Variants in OSBP2 observed in about 807,000 individuals in gnomAD.
The protein encoded by OSBP2 is oxysterol-binding protein 2.
Under a neutral mutation model 96.0 loss-of-function variants are expected in OSBP2, and 66 were observed. The observed-to-expected ratio is 0.69, with a 90% CI of 0.56 to 0.84. The LOEUF is 0.84. Ranked by LOEUF, OSBP2 falls within the 40% of genes least tolerant of loss-of-function variation. The probability of loss-of-function intolerance (pLI) is 0.00; values close to 1 mark genes in which losing one functional copy is unlikely to be tolerated. For missense variants in OSBP2, 1,038 were observed against 1,222.7 expected (o/e 0.85, Z 2.25); for synonymous variants, 525 against 520.9 (o/e 1.01, Z -0.11).
intron 2 of OSBP2, among the ~76,000 whole-genome samples, chr22:30,827,835 TAATC>T (rs1180408707): frequency 6.6e-6 from 1 of 152,192 alleles, no homozygotes; most frequent in African/African-American, 2.4e-5. Context: ...GAAGGGTGCT[TAATC>T]AATGGTAGCA....
intron 2 of OSBP2, among the ~76,000 whole-genome samples, chr22:30,867,817 A>AGG (rs1368588717): frequency 2.4e-4 from 37 of 152,262 alleles, no homozygotes; most frequent in African/African-American, 8.9e-4. Context: ...ACCTCTCACC[A>AGG]GCTCTTGCTT....
intron 2 of OSBP2, chr22:30,822,446 G>T: frequency 8.6e-7 from 1 of 1,163,182 alleles, no homozygotes; most frequent in Middle Eastern, 3.2e-4. Context: ...GCGCGGACGG[G>T]GTTAACGCGC....
chr22:30,799,057 TTTCCTTCCTTCCTTCC>T lies in OSBP2; in HGVS notation c.853+57731_853+57746del, dbSNP rs1159820708. 2.7e-3 allele frequency among the ~76,000 whole-genome samples: 324 copies of T among 120,324 alleles called. 1 individual carries two copies. The highest frequency in any genetic ancestry group is 7.8e-3 in the African/African-American group (249 of 32,010). 78.9% of individuals were successfully genotyped at this position (120,324 alleles called of 152,430 possible). A position where few individuals can be genotyped will look rare whatever the true frequency, so the allele number is the denominator to read the frequency against. ...AATTATTTGACTATACATGCAAAGG[TTTCCTTCCTTCCTTCC>T]TTCCTTCCTTCCTTCCTTCCTTCCT... On this transcript the variant is annotated intron_variant, in intron 2 of 13. Transcript: ENST00000332585.
chr22:30,802,420 C>T (rs1423845430), intron 2 of OSBP2, among the ~76,000 whole-genome samples: 2 of 152,240 alleles, frequency 1.3e-5, no homozygotes, highest in Non-Finnish European at 2.9e-5. Flanking sequence ...TCCTTGCAAC[C>T]TCGGGTAGCG....
intron 3 of OSBP2, among the ~76,000 whole-genome samples, chr22:30,885,165 T>C (rs1462600878): frequency 6.6e-6 from 1 of 151,994 alleles, no homozygotes; most frequent in African/African-American, 2.4e-5. Flanking sequence ...TCTTCCTCCT[T>C]TGGGGTGGGA....
intron 2 of OSBP2, among the ~76,000 whole-genome samples, chr22:30,744,753 T>A (rs1273539103): frequency 6.6e-6 from 1 of 151,918 alleles, no homozygotes; most frequent in Non-Finnish European, 1.5e-5. Context: ...AGAGTGAGAC[T>A]CTGTCTCAAA....
intron 2 of OSBP2, among the ~76,000 whole-genome samples, chr22:30,760,098 C>T (rs2090188586): frequency 6.6e-6 from 1 of 151,766 alleles, no homozygotes; most frequent in South Asian, 2.1e-4. Context: ...GAACTACTGA[C>T]ATCAGGTGAT....
intron 1 of OSBP2, among the ~76,000 whole-genome samples, chr22:30,732,062 G>A (rs1384151158): frequency 6.6e-6 from 1 of 152,196 alleles, no homozygotes; most frequent in Admixed American, 6.6e-5. Context: ...CCAGCACTTT[G>A]GGAGGCCAAG....
intron 12 of OSBP2, among the ~76,000 whole-genome samples, chr22:30,901,854 TTC>T (rs2147189504): frequency 6.6e-6 from 1 of 152,004 alleles, no homozygotes; most frequent in African/African-American, 2.4e-5. Context: ...ACGAGTGAAA[TTC>T]TGTCCCCCCA....
Position 30,893,584 on chromosome 22 carries a change from G to T in OSBP2, c.2094+18G>T. ...TCGACCAGGTCAGGGGCGCCCTTGG[G>T]GAGGGGGTGCATGGCCCGGGGGCTG... On this transcript the variant is annotated intron_variant, in intron 10 of 13. Coordinates refer to ENST00000332585, the MANE Select transcript of OSBP2 (RefSeq NM_030758.4). 6.2e-7 allele frequency: 1 copy of T among 1,613,624 alleles called. No homozygotes were observed. Among genetic ancestry groups the T allele is most frequent in the Non-Finnish European group, 8.5e-7 (1 of 1,179,518 alleles).
intron 2 of OSBP2, among the ~76,000 whole-genome samples, chr22:30,755,460 A>G (rs1241174778): frequency 6.6e-6 from 1 of 152,216 alleles, no homozygotes; most frequent in Admixed American, 6.5e-5. Flanking sequence ...GAGGAAGGGC[A>G]TGGAGTTTTC....
At chr22:30,858,151 G>T (rs2018305) in intron 2 of OSBP2, among the ~76,000 whole-genome samples, 21,348 of 123,108 alleles carry the variant, frequency 0.17, 2,443 homozygotes, top group African/African-American at 0.27. Flanking sequence ...TTGTTTGTTT[G>T]TTTTTTGAGA....
chr22:30,851,465 T>A (rs2038976859), intron 2 of OSBP2, among the ~76,000 whole-genome samples: 1 of 152,240 alleles, frequency 6.6e-6, no homozygotes, highest in Non-Finnish European at 1.5e-5. Context: ...AAATTCACAT[T>A]TTAGTTCATG....
At position 30,828,094 on chromosome 22, in the gene OSBP2, G is replaced by A. The variant is rs908367272; in HGVS notation, c.854-42335G>A. Among the ~76,000 whole-genome samples the A allele has an allele frequency of 2.6e-5, 4 of 152,310 alleles. No individual in the cohort carries two copies. The South Asian group carries it at 6.2e-4, about 24-fold the overall frequency. ...TGGGGCTGGGGACTCACTTTCTGGG[G>A]CAGAACCTCCGAGCCTGGGGAATAC... On this transcript the variant is annotated intron_variant, in intron 2 of 13. Transcript: ENST00000332585.
intron 1 of OSBP2, among the ~76,000 whole-genome samples, chr22:30,706,241 A>G (rs927791280): frequency 4.6e-5 from 7 of 152,198 alleles, no homozygotes; most frequent in African/African-American, 1.7e-4. Context: ...CCCTTTCATA[A>G]TCATACACAC....
At chr22:30,709,959 T>A (rs2145683656) in intron 1 of OSBP2, among the ~76,000 whole-genome samples, 1 of 152,150 alleles carries the variant, frequency 6.6e-6, no homozygotes, top group East Asian at 1.9e-4. Context: ...CTCAGCGTAC[T>A]GTAATCTCTG....
intron 12 of OSBP2, chr22:30,902,187 TC>T: frequency 1.1e-6 from 1 of 941,924 alleles, no homozygotes; most frequent in Non-Finnish European, 1.6e-6. Flanking sequence ...TGGCCATGGT[TC>T]CCGTAGCCAG....
intron 12 of OSBP2, chr22:30,894,423 CAGA>C (rs1219078099): frequency 1.8e-5 from 3 of 165,974 alleles, no homozygotes; most frequent in Non-Finnish European, 2.6e-5. Flanking sequence ...GAACACAGGT[CAGA>C]AGAAGTGACA....
intron 2 of OSBP2, among the ~76,000 whole-genome samples, chr22:30,804,354 G>T (rs576763253): frequency 6.6e-6 from 1 of 152,312 alleles, no homozygotes; most frequent in East Asian, 1.9e-4. Context: ...ATTGCTGGAG[G>T]ACTGAGATCT....
Sources: allele counts gnomAD v4.1 joint callset (sites outside exome capture counted in the v4.1 genomes callset), GRCh38; gene constraint gnomAD v4.1.1; transcripts MANE v1.5; gene names NCBI Gene and HGNC (gene_info 2026-07-23, HGNC 2026-07-21).